Variants in SLC9A9 observed in about 807,000 individuals in gnomAD.
SLC9A9 encodes solute carrier family 9 member A9.
SLC9A9 carries 62 observed loss-of-function variants against 77.8 expected under a neutral mutation model. The ratio of observed to expected loss-of-function variants is 0.80; its 90% CI spans 0.65 to 0.98. The LOEUF (loss-of-function observed/expected upper bound fraction) is 0.98. Ranked by LOEUF, SLC9A9 falls within the 50% of genes least tolerant of loss-of-function variation. The pLI is 0.00. For synonymous variants in SLC9A9, 320 were observed against 283.5 expected, an observed-to-expected ratio of 1.13 and a Z score of -1.29; for missense variants, 775 against 774.9, an observed-to-expected ratio of 1.00 and a Z score of 0.00.
chr3:143,705,264 A>G (rs1168720699), intron 4 of SLC9A9, among the ~76,000 whole-genome samples: 1 of 152,050 alleles, frequency 6.6e-6, no homozygotes, highest in Non-Finnish European at 1.5e-5. Context: ...TCACAGAAAT[A>G]GAAAGTAGGA....
intron 12 of SLC9A9, among the ~76,000 whole-genome samples, chr3:143,390,180 ATGGAGG>A (rs1176613147): frequency 6.6e-6 from 1 of 152,198 alleles, no homozygotes. Context: ...CCTAGACATT[ATGGAGG>A]TGGGATGGAT....
chr3:143,748,114 A>G (rs1197677946), intron 4 of SLC9A9, among the ~76,000 whole-genome samples: 1 of 152,182 alleles, frequency 6.6e-6, no homozygotes, highest in Non-Finnish European at 1.5e-5. Flanking sequence ...AAGAATTCCA[A>G]ATTGAACTAG....
rs149861458 is a variant in SLC9A9 at position 143,619,090 on chromosome 3, G to T, written c.755+33165C>A. ...TCTATCTAACTCATTCAGAAGAGCTGCTGAGGTAGTTTTCTAAGCCCTGTA... is the reference window on the plus strand; with the variant it reads ...TCTATCTAACTCATTCAGAAGAGCTTCTGAGGTAGTTTTCTAAGCCCTGTA... On this transcript the variant is annotated intron_variant, in intron 6 of 15. Coordinates refer to ENST00000316549, the MANE Select transcript of SLC9A9 (RefSeq NM_173653.4). Among the ~76,000 whole-genome samples the T allele has an allele frequency of 2.0e-5, 3 of 152,354 alleles. No individual in the cohort carries two copies. In the East Asian group the frequency reaches 5.8e-4, roughly 29 times the overall value.
chr3:143,788,143 G>A (rs2008110671), intron 4 of SLC9A9, among the ~76,000 whole-genome samples: 2 of 150,526 alleles, frequency 1.3e-5, no homozygotes, highest in Non-Finnish European at 1.5e-5. Flanking sequence ...CATACAATAA[G>A]TGGTATTAGT....
intron 11 of SLC9A9, among the ~76,000 whole-genome samples, chr3:143,472,381 A>C (rs1291790715): frequency 6.6e-6 from 1 of 152,252 alleles, no homozygotes; most frequent in East Asian, 1.9e-4. Context: ...TAAGGCACTG[A>C]AATAAATGGT....
chr3:143,687,800 A>G (rs1933320387), intron 5 of SLC9A9, among the ~76,000 whole-genome samples: 1 of 152,092 alleles, frequency 6.6e-6, no homozygotes, highest in African/African-American at 2.4e-5. Context: ...AATAATGTAT[A>G]AAATCGAAGT....
At chr3:143,344,769 G>GT (rs929636573) in intron 14 of SLC9A9, among the ~76,000 whole-genome samples, 1 of 151,408 alleles carries the variant, frequency 6.6e-6, no homozygotes, top group Non-Finnish European at 1.5e-5. Context: ...GCATGTAATT[G>GT]TTTTTTTCAA....
intron 5 of SLC9A9, among the ~76,000 whole-genome samples, chr3:143,664,749 T>G (rs149716465): frequency 0.01 from 1,562 of 152,336 alleles, 33 homozygotes; most frequent in African/African-American, 0.036. Context: ...GGCCATTATG[T>G]AATTGTAAAG....
chr3:143,525,731 C>T (rs191760621), intron 9 of SLC9A9, among the ~76,000 whole-genome samples: 30 of 151,870 alleles, frequency 2.0e-4, no homozygotes, highest in South Asian at 1.0e-3. Flanking sequence ...TAAATGTATG[C>T]GTAAACAGGA....
chr3:143,432,780 C>CG lies in SLC9A9; in HGVS notation c.1469+34256_1469+34257insC, dbSNP rs1576493510. 3.9e-5 allele frequency among the ~76,000 whole-genome samples: 6 copies of CG among 152,258 alleles called. No homozygotes were observed. In the East Asian group the frequency reaches 1.2e-3, roughly 29 times the overall value. ...GTAGCTCGGACTACAGGTATATACCCCCACACCCGGCTAATTTTTGTATTT... is the reference window on the plus strand; with the variant it reads ...GTAGCTCGGACTACAGGTATATACCCGCCACACCCGGCTAATTTTTGTATTT... On this transcript the variant is annotated intron_variant, in intron 12 of 15. Coordinates refer to ENST00000316549, the MANE Select transcript of SLC9A9 (RefSeq NM_173653.4).
At chr3:143,834,891 C>T (rs2009530688) in intron 1 of SLC9A9, among the ~76,000 whole-genome samples, 1 of 152,062 alleles carries the variant, frequency 6.6e-6, no homozygotes, top group East Asian at 1.9e-4. Flanking sequence ...AAATGTACCT[C>T]CCACTCTGAG....
intron 14 of SLC9A9, among the ~76,000 whole-genome samples, chr3:143,348,512 A>G (rs2032362152): frequency 6.6e-6 from 1 of 152,218 alleles, no homozygotes; most frequent in Non-Finnish European, 1.5e-5. Context: ...CAAGTGCACC[A>G]TATTTCTAGA....
intron 4 of SLC9A9, among the ~76,000 whole-genome samples, chr3:143,697,337 A>G (rs1034933574): frequency 6.6e-6 from 1 of 152,102 alleles, no homozygotes; most frequent in African/African-American, 2.4e-5. Flanking sequence ...GTGGTTATAT[A>G]ATAGAATTCG....
intron 13 of SLC9A9, among the ~76,000 whole-genome samples, chr3:143,378,293 G>A (rs1236097862): frequency 2.6e-5 from 4 of 152,166 alleles, no homozygotes; most frequent in South Asian, 4.1e-4. Context: ...ATACATGCAC[G>A]CATACCAGTT....
chr3:143,834,249 C>T (rs1478388568), intron 1 of SLC9A9, among the ~76,000 whole-genome samples: 2 of 152,138 alleles, frequency 1.3e-5, no homozygotes. Context: ...TCACTGAGTG[C>T]TTGATCCACC....
chr3:143,738,346 T>G (rs1355910451), intron 4 of SLC9A9, among the ~76,000 whole-genome samples: 1 of 152,172 alleles, frequency 6.6e-6, no homozygotes, highest in Non-Finnish European at 1.5e-5. Context: ...CCTCACTCTC[T>G]GGGACACTGA....
intron 5 of SLC9A9, among the ~76,000 whole-genome samples, chr3:143,690,587 G>A (rs1933432196): frequency 6.6e-6 from 1 of 152,106 alleles, no homozygotes; most frequent in South Asian, 2.1e-4. Context: ...GCATACAGGA[G>A]AAAGTTGAAG....
chr3:143,664,154 G>C (rs991933944), intron 5 of SLC9A9, among the ~76,000 whole-genome samples: 11 of 152,204 alleles, frequency 7.2e-5, no homozygotes, highest in African/African-American at 2.7e-4. Context: ...CTACAAGCCA[G>C]AATAGAGTGG....
chr3:143,413,319 C>T (rs1260273121), intron 12 of SLC9A9, among the ~76,000 whole-genome samples: 9 of 152,194 alleles, frequency 5.9e-5, no homozygotes, highest in Admixed American at 5.9e-4. Flanking sequence ...ATGCCTCTGA[C>T]ACTTCAGGAA....
Sources: allele counts gnomAD v4.1 joint callset (sites outside exome capture counted in the v4.1 genomes callset), GRCh38; gene constraint gnomAD v4.1.1; transcripts MANE v1.5; gene names NCBI Gene and HGNC (gene_info 2026-07-23, HGNC 2026-07-21).